The following PMS1 variants were observed in gnomAD, a reference collection of about 807,000 sequenced individuals.
PMS1 encodes PMS1 homolog 1, mismatch repair system component.
Under a neutral mutation model 93.1 loss-of-function variants are expected in PMS1, and 79 were observed. The ratio of observed to expected loss-of-function variants is 0.85; its 90% CI spans 0.71 to 1.02. The LOEUF (loss-of-function observed/expected upper bound fraction) is 1.02, where lower values mean the gene tolerates loss of function less well. Among genes scored for constraint, PMS1 ranks in the 50% least tolerant of loss-of-function variants. The pLI, the probability that PMS1 is intolerant of heterozygous loss-of-function variation, is 0.00. For missense variants in PMS1, 1,064 were observed against 1,085.3 expected, an observed-to-expected ratio of 0.98 and a Z score of 0.28; for synonymous variants, 335 against 363.4, an observed-to-expected ratio of 0.92 and a Z score of 0.89.
At chr2:189,861,409 T>C (rs1233161867) in intron 9 of PMS1, among the ~76,000 whole-genome samples, 1 of 151,922 alleles carries the variant, frequency 6.6e-6, no homozygotes, top group Non-Finnish European at 1.5e-5. Flanking sequence ...ACTTTTTTTT[T>C]TTTTTTAATG....
At chr2:189,821,691 C>G (rs927165531) in intron 5 of PMS1, among the ~76,000 whole-genome samples, 2 of 151,726 alleles carry the variant, frequency 1.3e-5, no homozygotes, top group African/African-American at 4.8e-5. Flanking sequence ...TGCCTGTAAT[C>G]CCAGCTACTT....
At chr2:189,826,450 C>CT (rs76322920) in intron 5 of PMS1, among the ~76,000 whole-genome samples, 4,306 of 126,016 alleles carry the variant, frequency 0.034, 187 homozygotes, top group African/African-American at 0.11. Flanking sequence ...GGTTTGGGGT[C>CT]TTTTTTTTTT....
chr2:189,857,273 A>G (rs889915446), intron 9 of PMS1: 1 of 164,124 alleles, frequency 6.1e-6, no homozygotes. Flanking sequence ...ATAGAAACCT[A>G]TGAAGAAAAT....
intron 1 of PMS1, among the ~76,000 whole-genome samples, chr2:189,786,325 G>C (rs563902084): frequency 6.6e-6 from 1 of 152,130 alleles, no homozygotes; most frequent in African/African-American, 2.4e-5. Flanking sequence ...AACCCTATAG[G>C]TGGTTGAGAT....
At chr2:189,848,192 C>T (rs1288913229) in intron 6 of PMS1, among the ~76,000 whole-genome samples, 3 of 152,162 alleles carry the variant, frequency 2.0e-5, no homozygotes, top group Non-Finnish European at 4.4e-5. Context: ...AGTGGTAACC[C>T]AGGCAGCTTA....
At chr2:189,845,067 A>G (rs2054142594) in intron 6 of PMS1, among the ~76,000 whole-genome samples, 1 of 152,134 alleles carries the variant, frequency 6.6e-6, no homozygotes. Context: ...TATGTTGCCC[A>G]GGCTGGTCTC....
At chr2:189,821,668 G>T (rs1420426725) in intron 5 of PMS1, among the ~76,000 whole-genome samples, 1 of 151,910 alleles carries the variant, frequency 6.6e-6, no homozygotes, top group Non-Finnish European at 1.5e-5. Context: ...AATTAGACGG[G>T]TGTGGTGGCA....
chr2:189,876,196 G>A (rs1463370056), intron 12 of PMS1, among the ~76,000 whole-genome samples: 2 of 152,132 alleles, frequency 1.3e-5, no homozygotes, highest in Non-Finnish European at 2.9e-5. Context: ...TGGTGAAAGA[G>A]TAGAAGTTAC....
rs571879787 is a variant in PMS1, at chr2:189,842,474, A to C, written c.583-1490A>C. On this transcript the variant is annotated intron_variant, in intron 5 of 12. Coordinates refer to ENST00000441310, the MANE Select transcript of PMS1 (RefSeq NM_000534.5). ...TAATTGGACCTTGTTGAACTGAAGA[A>C]ATTGCAGTATGTCAAATCTGATTAT... Among the ~76,000 whole-genome samples the C allele has an allele frequency of 3.3e-5, 5 of 152,316 alleles. No homozygotes were observed. The East Asian group carries it at 7.7e-4, about 24-fold the overall frequency.
At chr2:189,874,315 G>T (rs2057387203) in intron 12 of PMS1, among the ~76,000 whole-genome samples, 1 of 152,078 alleles carries the variant, frequency 6.6e-6, no homozygotes, top group African/African-American at 2.4e-5. Flanking sequence ...TTACATACTT[G>T]TCTAAAAAGT....
intron 6 of PMS1, among the ~76,000 whole-genome samples, chr2:189,848,459 T>C (rs1483261272): frequency 1.3e-5 from 2 of 152,220 alleles, no homozygotes; most frequent in African/African-American, 4.8e-5. Context: ...ATTGCATGAA[T>C]CAGTCCTGTA....
chr2:189,847,082 G>C (rs1393422652), intron 6 of PMS1, among the ~76,000 whole-genome samples: 1 of 151,812 alleles, frequency 6.6e-6, no homozygotes, highest in African/African-American at 2.4e-5. Context: ...GGCTGGTCTT[G>C]AACTCCTGAC....
At chr2:189,843,398 G>T (rs1463382177) in intron 5 of PMS1, among the ~76,000 whole-genome samples, 1 of 152,146 alleles carries the variant, frequency 6.6e-6, no homozygotes. Context: ...TACAGATTCA[G>T]TTAACATTTT....
chr2:189,822,402 G>A (rs1454671665), intron 5 of PMS1, among the ~76,000 whole-genome samples: 2 of 152,194 alleles, frequency 1.3e-5, no homozygotes, highest in African/African-American at 4.8e-5. Context: ...ACATCCTGGA[G>A]AAGGCTTGAT....
At chr2:189,864,657 G>GGA (rs2056396067) in intron 10 of PMS1, among the ~76,000 whole-genome samples, 1 of 3,666 alleles carries the variant, frequency 2.7e-4, no homozygotes, top group African/African-American at 6.8e-4. Flanking sequence ...GTCTGTCTCA[G>GGA]AAAAAAAAAA....
rs756254396 is a variant in PMS1, at chr2:189,795,807, C to T, written c.171C>T (p.Asn57=). 5.3e-5 allele frequency: 86 copies of T among 1,613,518 alleles called. No homozygotes were observed. The highest frequency in any genetic ancestry group is 6.6e-5 in the Non-Finnish European group (78 of 1,179,566). Residue 57 remains asparagine (N), a synonymous_variant, in exon 3 of 13, where the codon AAC becomes AAT. Coordinates refer to ENST00000441310, the MANE Select transcript of PMS1 (RefSeq NM_000534.5). ...TTGATAAAATTGAGGTGCGAGATAA[C>T]GGGGAGGGTATCAAGGCTGTTGATG... The part of the protein sequence containing the change: ...YGFDKIEVRD[N]GEGIKAVDAP...
intron 4 of PMS1, among the ~76,000 whole-genome samples, chr2:189,814,827 G>A (rs2106315448): frequency 6.6e-6 from 1 of 152,322 alleles, no homozygotes; most frequent in African/African-American, 2.4e-5. Context: ...GCCAGGCGCT[G>A]TGGCTGACGC....
At chr2:189,820,248 G>A (rs2051707271) in intron 5 of PMS1, among the ~76,000 whole-genome samples, 1 of 152,098 alleles carries the variant, frequency 6.6e-6, no homozygotes, top group Non-Finnish European at 1.5e-5. Context: ...ATTGAGATGG[G>A]ATTTGAAACT....
intron 6 of PMS1, among the ~76,000 whole-genome samples, chr2:189,844,572 A>G (rs919883525): frequency 6.9e-6 from 1 of 144,118 alleles, no homozygotes; most frequent in Non-Finnish European, 1.5e-5. Flanking sequence ...TGAATCCAGG[A>G]GGCAGAGGTT....
Sources: allele counts gnomAD v4.1 joint callset (sites outside exome capture counted in the v4.1 genomes callset), GRCh38; gene constraint gnomAD v4.1.1; transcripts MANE v1.5; gene names NCBI Gene and HGNC (gene_info 2026-07-23, HGNC 2026-07-21).